Variants in GFRA2 observed in about 807,000 individuals in gnomAD.
GFRA2 encodes GDNF family receptor alpha-2.
A neutral mutation model predicts 48.3 loss-of-function variants in GFRA2; 17 were observed. The ratio of observed to expected loss-of-function variants is 0.35; its 90% CI spans 0.24 to 0.53. The LOEUF (loss-of-function observed/expected upper bound fraction) is 0.53, where lower values mean the gene tolerates loss of function less well. GFRA2 is among the 20% of genes least tolerant of loss of function. The probability of loss-of-function intolerance (pLI) is 0.93; values close to 1 mark genes in which losing one functional copy is unlikely to be tolerated. For missense variants in GFRA2, 660 were observed against 637.3 expected (o/e 1.04, Z -0.38); for synonymous variants, 305 against 257.2 (o/e 1.19, Z -1.78).
chr8:21,740,837 C>T (rs1030240523), intron 4 of GFRA2, among the ~76,000 whole-genome samples: 5 of 152,240 alleles, frequency 3.3e-5, no homozygotes, highest in Admixed American at 2.0e-4. Flanking sequence ...CCATCACCAC[C>T]AAGCTGCTCA....
Position 21,720,061 on chromosome 8 carries a change from C to T in GFRA2, c.795-14020G>A, listed in dbSNP as rs78653122. ...ACATTGCCTCTCCCTTCAACTTCCA[C>T]AGAATGTGTTTCTCAGCCTCACAAT... On this transcript the variant is annotated intron_variant, in intron 4 of 8. Transcript: ENST00000524240. 3.7e-3 allele frequency among the ~76,000 whole-genome samples: 568 copies of T among 152,312 alleles called. 14 individuals carry two copies. In the East Asian group the frequency reaches 0.067, roughly 18 times the overall value.
At chr8:21,727,686 C>T (rs1803945563) in intron 4 of GFRA2, among the ~76,000 whole-genome samples, 1 of 152,128 alleles carries the variant, frequency 6.6e-6, no homozygotes, top group Admixed American at 6.5e-5. Flanking sequence ...TACTGCTCCT[C>T]GTCTGCCCGC....
intron 2 of GFRA2, among the ~76,000 whole-genome samples, chr8:21,799,755 C>A (rs1412438254): frequency 6.6e-6 from 1 of 152,186 alleles, no homozygotes; most frequent in South Asian, 2.1e-4. Context: ...TCAAGCTAAT[C>A]CCCCTGAAGT....
intron 4 of GFRA2, among the ~76,000 whole-genome samples, chr8:21,710,868 T>G (rs578156887): frequency 6.6e-6 from 1 of 152,250 alleles, no homozygotes; most frequent in African/African-American, 2.4e-5. Flanking sequence ...CAAGATAAAG[T>G]GACAAATGGA....
intron 3 of GFRA2, among the ~76,000 whole-genome samples, chr8:21,754,461 C>T (rs1365875275): frequency 6.6e-6 from 1 of 151,692 alleles, no homozygotes; most frequent in East Asian, 1.9e-4. Context: ...AAGACTAAGC[C>T]ATTCACCCAA....
intron 2 of GFRA2, among the ~76,000 whole-genome samples, chr8:21,803,777 C>T (rs1170262685): frequency 6.6e-6 from 1 of 152,178 alleles, no homozygotes; most frequent in Non-Finnish European, 1.5e-5. Context: ...GGACTACAGG[C>T]ACAAACCACC....
chr8:21,769,227 C>A (rs1037218754), intron 3 of GFRA2: 1 of 971,132 alleles, frequency 1.0e-6, no homozygotes, highest in Non-Finnish European at 1.2e-6. Flanking sequence ...CATGCTCCTC[C>A]GAAGTCTGGC....
chr8:21,705,927 C>T lies in GFRA2; in HGVS notation c.904+5G>A, dbSNP rs1240788154. The T allele has an allele frequency of 4.5e-6, 7 of 1,541,344 alleles. No individual in the cohort carries two copies. The highest frequency in any genetic ancestry group is 6.2e-6 in the Non-Finnish European group (7 of 1,135,896). ...ACAGAGCCCAGGTGAGCAGGAAGAG[C>T]TTACCAATCATGCCAGCATAAGAGC... On this transcript the variant is annotated splice_donor_5th_base_variant and intron_variant, in intron 5 of 8. Transcript: ENST00000524240.
chr8:21,721,740 A>G (rs1803606303), intron 4 of GFRA2, among the ~76,000 whole-genome samples: 1 of 152,218 alleles, frequency 6.6e-6, no homozygotes. Flanking sequence ...ACAGGACGCA[A>G]AGCAGGGAGA....
rs76788522 is a variant in GFRA2, at chr8:21,708,725, C to T, written c.795-2684G>A. Among the ~76,000 whole-genome samples the T allele has an allele frequency of 3.3e-3, 508 of 152,204 alleles. 2 individuals are homozygous for T. The highest frequency in any genetic ancestry group is 0.012 in the African/African-American group (480 of 41,518). ...AGAGGCAGAGATAGGAGTGATGAAG[C>T]CAGAAGCCAAGGAATGCCCAGGGCT... On this transcript the variant is annotated intron_variant, in intron 4 of 8. Coordinates refer to ENST00000524240, the MANE Select transcript of GFRA2 (RefSeq NM_001495.5).
intron 4 of GFRA2, among the ~76,000 whole-genome samples, chr8:21,720,010 C>A (rs1585252040): frequency 6.6e-6 from 1 of 152,184 alleles, no homozygotes; most frequent in Admixed American, 6.5e-5. Context: ...AAGACCCAGA[C>A]CCCCTCCCCA....
chr8:21,788,071 T>G, intron 1 of GFRA2, 49 bp downstream of exon 1: 4 of 187,678 alleles, frequency 2.1e-5, no homozygotes, highest in Non-Finnish European at 3.9e-5. Flanking sequence ...GCCCCCCGCC[T>G]CCCCGGCTTC....
At chr8:21,704,049 T>A (rs2117362436) in intron 6 of GFRA2, among the ~76,000 whole-genome samples, 1 of 152,370 alleles carries the variant, frequency 6.6e-6, no homozygotes, top group South Asian at 2.1e-4. Context: ...ATGACAAGGA[T>A]GCTATCTACC....
chr8:21,711,607 A>G (rs1803028875), intron 4 of GFRA2, among the ~76,000 whole-genome samples: 1 of 152,216 alleles, frequency 6.6e-6, no homozygotes, highest in Admixed American at 6.5e-5. Flanking sequence ...GGTTCATTTG[A>G]ATTTCAGACA....
At chr8:21,805,052 C>T (rs1807834890) in exon 2 of GFRA2, 1 of 152,250 alleles carries the variant, frequency 6.6e-6, no homozygotes, top group Admixed American at 6.5e-5. Context: ...AATGCAATGT[C>T]AACAGCAGTT....
chr8:21,694,649 G>C (rs74969594), intron 7 of GFRA2, 132 bp from the exon 8 acceptor site: 28 of 801,776 alleles, frequency 3.5e-5, no homozygotes, highest in Admixed American at 3.3e-4. Context: ...ACGGTGAAGA[G>C]GGTAGCTCAA....
chr8:21,805,187 T>G (rs1469690061), intron 1 of GFRA2: 1 of 152,250 alleles, frequency 6.6e-6, no homozygotes, highest in East Asian at 1.9e-4. Context: ...GAAGTCATGT[T>G]TTAAGTTCCT....
rs74640671 is a variant in GFRA2, at chr8:21,693,326, C to T, written c.1347G>A (p.Ser449=). The change falls in exon 9 of 9, where the codon TCG becomes TCA. Residue 449 remains serine (S), a synonymous_variant. Coordinates refer to ENST00000524240, the MANE Select transcript of GFRA2 (RefSeq NM_001495.5). ...GGACAGACAGCACGGTCAAGGCAGC[C>T]GACGGTCTGGCTCTGCTGGGGCCTG... ...PNSGPSRARP[S]AALTVLSVLM... The T allele has an allele frequency of 9.3e-3, 14,994 of 1,613,534 alleles. 85 individuals carry two copies. The highest frequency in any genetic ancestry group is 0.011 in the Non-Finnish European group (12,742 of 1,179,702).
intron 4 of GFRA2, among the ~76,000 whole-genome samples, chr8:21,713,174 A>T (rs1036613639): frequency 6.6e-6 from 1 of 151,754 alleles, no homozygotes; most frequent in Non-Finnish European, 1.5e-5. Flanking sequence ...GGATCTGGCA[A>T]CTCTGTTTTG....
Sources: allele counts gnomAD v4.1 joint callset (sites outside exome capture counted in the v4.1 genomes callset), GRCh38; gene constraint gnomAD v4.1.1; transcripts MANE v1.5; gene names NCBI Gene and HGNC (gene_info 2026-07-23, HGNC 2026-07-21).